The following TRPM3 variants were observed in gnomAD, a reference collection of about 807,000 sequenced individuals.
TRPM3 encodes long transient receptor potential channel 3.
TRPM3 carries 77 observed loss-of-function variants against 181.2 expected under a neutral mutation model. That is an observed-to-expected ratio of 0.42 (90% CI 0.35 to 0.51). The LOEUF (loss-of-function observed/expected upper bound fraction) is 0.51. Among genes scored for constraint, TRPM3 ranks in the 20% least tolerant of loss-of-function variants. The probability of loss-of-function intolerance (pLI) is 0.01; values close to 1 mark genes in which losing one functional copy is unlikely to be tolerated. For missense variants in TRPM3, 1,759 were observed against 2,196.7 expected (o/e 0.80, Z 3.98); for synonymous variants, 745 against 796.4 (o/e 0.94, Z 1.09).
chr9:70,681,680 A>T, intron 8 of TRPM3, 102 bp from the exon 9 acceptor site: 2 of 981,852 alleles, frequency 2.0e-6, no homozygotes, highest in Non-Finnish European at 3.2e-6. Flanking sequence ...TATATCTACA[A>T]AGTAGATTCT....
At position 71,082,648 on chromosome 9, in the gene TRPM3, A is replaced by G. The variant is rs1476902907; in HGVS notation, c.177+38530T>C. Among the ~76,000 whole-genome samples, 3 of 152,190 alleles carry G rather than the reference A, an allele frequency of 2.0e-5. 1 individual carries two copies. The highest frequency in any genetic ancestry group is 4.1e-4 in the South Asian group (2 of 4,836). On this transcript the variant is annotated intron_variant, in intron 1 of 25. Coordinates refer to ENST00000677713, the MANE Select transcript of TRPM3 (RefSeq NM_001366145.2). ...AAGATGCATTCTATTCTAATTCTCT[A>G]TGATCCTATCGTTAGTGGACTAAAT...
At chr9:71,061,138 C>G (rs1388500566) in intron 1 of TRPM3, among the ~76,000 whole-genome samples, 1 of 152,036 alleles carries the variant, frequency 6.6e-6, no homozygotes, top group Non-Finnish European at 1.5e-5. Context: ...AAATAGAAAG[C>G]CACCTGGAGC....
chr9:70,779,787 A>G (rs2082116673), intron 7 of TRPM3, among the ~76,000 whole-genome samples: 1 of 152,202 alleles, frequency 6.6e-6, no homozygotes, highest in African/African-American at 2.4e-5. Context: ...ATATTTCTAA[A>G]GCAACAAAAT....
At chr9:71,234,196 C>T (rs2081233966) in intron 1 of TRPM3, among the ~76,000 whole-genome samples, 2 of 152,180 alleles carry the variant, frequency 1.3e-5, no homozygotes, top group Non-Finnish European at 2.9e-5. Flanking sequence ...TATAGAGCTG[C>T]ATTCACGTCC....
intron 1 of TRPM3, among the ~76,000 whole-genome samples, chr9:71,110,568 G>A (rs1010411373): frequency 2.0e-5 from 3 of 152,146 alleles, no homozygotes; most frequent in African/African-American, 4.8e-5. Flanking sequence ...AACAGAGGGT[G>A]TATGAGCCAC....
chr9:71,035,630 T>C (rs1163850794), intron 1 of TRPM3, among the ~76,000 whole-genome samples: 2 of 152,134 alleles, frequency 1.3e-5, no homozygotes, highest in African/African-American at 4.8e-5. Context: ...GGCATGAGAA[T>C]CTCTTGAACC....
Position 71,141,004 on chromosome 9 carries a change from G to T in TRPM3, c.184-276493C>A, listed in dbSNP as rs564073002. On this transcript the variant is annotated intron_variant, in intron 1 of 24. Coordinates refer to the TRPM3 transcript ENST00000357533. ...AGTCAGATAAGACACTTGGTATTCA[G>T]CTTGTTATGTGTTCATTCATGTTGA... Among the ~76,000 whole-genome samples the T allele has an allele frequency of 2.1e-4, 32 of 152,230 alleles. 1 individual carries two copies. The highest frequency in any genetic ancestry group is 3.4e-3 in the Middle Eastern group (1 of 294).
intron 9 of TRPM3, among the ~76,000 whole-genome samples, chr9:70,676,510 A>T (rs2064045269): frequency 6.6e-6 from 1 of 152,184 alleles, no homozygotes; most frequent in Non-Finnish European, 1.5e-5. Context: ...GAGCAGACTG[A>T]TAAACACCAA....
At chr9:70,542,093 C>T (rs2043525660) in intron 25 of TRPM3, among the ~76,000 whole-genome samples, 1 of 152,148 alleles carries the variant, frequency 6.6e-6, no homozygotes, top group African/African-American at 2.4e-5. Flanking sequence ...TGTACTCCAG[C>T]CTGGGTGATA....
chr9:71,362,422 G>A (rs1370427653), intron 1 of TRPM3, among the ~76,000 whole-genome samples: 1 of 152,134 alleles, frequency 6.6e-6, no homozygotes, highest in African/African-American at 2.4e-5. Flanking sequence ...GGTGCTGGAA[G>A]TTGTGAGTGA....
chr9:71,062,844 AGAT>A (rs1264317982), intron 1 of TRPM3, among the ~76,000 whole-genome samples: 1 of 152,048 alleles, frequency 6.6e-6, no homozygotes, highest in Non-Finnish European at 1.5e-5. Flanking sequence ...CTTCTACCAC[AGAT>A]AATACAGCAA....
chr9:70,584,577 A>T (rs1004535632), intron 22 of TRPM3, among the ~76,000 whole-genome samples: 1 of 152,160 alleles, frequency 6.6e-6, no homozygotes, highest in Non-Finnish European at 1.5e-5. Flanking sequence ...CCTGGACCTT[A>T]TCATTATTCT....
At chr9:70,962,539 G>A (rs1297407420) in intron 1 of TRPM3, among the ~76,000 whole-genome samples, 1 of 152,170 alleles carries the variant, frequency 6.6e-6, no homozygotes, top group Non-Finnish European at 1.5e-5. Context: ...GACGGAATGA[G>A]ATGCAGTAGT....
At chr9:70,635,462 ATTTT>A (rs71505401) in intron 11 of TRPM3, among the ~76,000 whole-genome samples, 1 of 113,130 alleles carries the variant, frequency 8.8e-6, no homozygotes. Flanking sequence ...TTTGTCAGTG[ATTTT>A]TTTTTTTTTT....
At chr9:70,967,402 A>T (rs201879772) in intron 1 of TRPM3, among the ~76,000 whole-genome samples, 2,413 of 149,150 alleles carry the variant, frequency 0.016, 35 homozygotes, top group East Asian at 0.079. Flanking sequence ...GTTTTTTTTT[A>T]AATTTTTTAA....
chr9:71,303,070 C>T (rs901168581), intron 1 of TRPM3, among the ~76,000 whole-genome samples: 5 of 152,124 alleles, frequency 3.3e-5, no homozygotes, highest in Non-Finnish European at 5.9e-5. Flanking sequence ...CTCGTTTCTT[C>T]ACCCACAGTG....
intron 9 of TRPM3, among the ~76,000 whole-genome samples, chr9:70,670,913 T>G (rs4523327): frequency 0.66 from 99,780 of 151,952 alleles, 33,178 homozygotes; most frequent in African/African-American, 0.76. Flanking sequence ...TAGATAACTT[T>G]GTTTACTGGC....
At chr9:71,427,540 A>C (rs1278841586) in intron 1 of TRPM3, among the ~76,000 whole-genome samples, 1 of 152,266 alleles carries the variant, frequency 6.6e-6, no homozygotes, top group African/African-American at 2.4e-5. Context: ...CTGCATAAAG[A>C]AAATGTGGTA....
At chr9:71,284,488 G>T (rs1295368234) in intron 1 of TRPM3, among the ~76,000 whole-genome samples, 2 of 152,156 alleles carry the variant, frequency 1.3e-5, no homozygotes, top group African/African-American at 4.8e-5. Flanking sequence ...GGCCTTACAG[G>T]TTGTCTCTCA....
Sources: gnomAD v4.1 joint callset for allele counts (sites outside exome capture counted in the v4.1 genomes callset) on GRCh38, gnomAD v4.1.1 for gene constraint, MANE v1.5 for transcripts, NCBI Gene and HGNC (gene_info 2026-07-23, HGNC 2026-07-21) for gene names.